The following GALNTL6 variants were observed in gnomAD, a reference collection of about 807,000 sequenced individuals.
GALNTL6 encodes polypeptide N-acetylgalactosaminyltransferase-like 6.
Under a neutral mutation model 73.7 loss-of-function variants are expected in GALNTL6, and 46 were observed. The observed-to-expected ratio is 0.62, with a 90% confidence interval of 0.49 to 0.80. The LOEUF (loss-of-function observed/expected upper bound fraction) is 0.80, where lower values mean the gene tolerates loss of function less well. Among genes scored for constraint, GALNTL6 ranks in the 30% least tolerant of loss-of-function variants. The pLI is 0.00. For synonymous variants in GALNTL6, 259 were observed against 263.7 expected, an observed-to-expected ratio of 0.98 and a Z score of 0.17; for missense variants, 604 against 755.0, an observed-to-expected ratio of 0.80 and a Z score of 2.34.
chr4:172,857,369 A>G (rs575766230), intron 7 of GALNTL6, among the ~76,000 whole-genome samples: 32 of 152,094 alleles, frequency 2.1e-4, no homozygotes, highest in Non-Finnish European at 4.4e-5. Context: ...TTAAAGCCCT[A>G]TGTCTCATCC....
intron 5 of GALNTL6, among the ~76,000 whole-genome samples, chr4:172,627,871 G>A (rs190610703): frequency 6.6e-6 from 1 of 151,652 alleles, no homozygotes; most frequent in East Asian, 1.9e-4. Flanking sequence ...ATTCCTGATT[G>A]TGCTTATTTG....
At chr4:172,887,570 T>TTATG (rs1183818217) in intron 8 of GALNTL6, among the ~76,000 whole-genome samples, 1 of 148,788 alleles carries the variant, frequency 6.7e-6, no homozygotes, top group Non-Finnish European at 1.5e-5. Flanking sequence ...ATTTATTTAT[T>TTATG]TATTTATTTT....
At chr4:172,556,501 T>C (rs1348229090) in intron 5 of GALNTL6, among the ~76,000 whole-genome samples, 1 of 152,088 alleles carries the variant, frequency 6.6e-6, no homozygotes, top group African/African-American at 2.4e-5. Context: ...TTTTTAAGTA[T>C]AATATGTTCC....
intron 5 of GALNTL6, chr4:172,668,406 A>G (rs1315382084): frequency 1.3e-5 from 2 of 152,212 alleles, no homozygotes; most frequent in Non-Finnish European, 2.9e-5. Flanking sequence ...GAGAAGCCAC[A>G]TAATTTGAGA....
chr4:172,288,342 C>T lies in GALNTL6; in HGVS notation c.248-23272C>T, dbSNP rs547888515. ...TCCTGACCTCGTGATCCGCCTGCCT[C>T]GGCCTCCCAAAGTGCTGGGATTACA... is the stretch of plus-strand genomic sequence containing the variant. On this transcript the variant is annotated intron_variant, in intron 3 of 12. Coordinates refer to ENST00000506823, the MANE Select transcript of GALNTL6 (RefSeq NM_001034845.3). Among the ~76,000 whole-genome samples the T allele has an allele frequency of 3.6e-3, 541 of 152,116 alleles. 2 individuals carry two copies. Among genetic ancestry groups the T allele is most frequent in the African/African-American group, 0.012 (501 of 41,464 alleles).
intron 5 of GALNTL6, among the ~76,000 whole-genome samples, chr4:172,412,832 C>T (rs981016193): frequency 6.6e-6 from 1 of 152,058 alleles, no homozygotes; most frequent in Admixed American, 6.6e-5. Context: ...TGTTTTTGCT[C>T]ATATAACAAA....
intron 2 of GALNTL6, among the ~76,000 whole-genome samples, chr4:171,886,271 C>T (rs1269502962): frequency 6.6e-6 from 1 of 152,120 alleles, no homozygotes; most frequent in Non-Finnish European, 1.5e-5. Context: ...ATAAATTATA[C>T]TGTTACCTGT....
chr4:172,196,626 A>G (rs751964557), intron 2 of GALNTL6, among the ~76,000 whole-genome samples: 96 of 152,200 alleles, frequency 6.3e-4, no homozygotes, highest in Non-Finnish European at 1.2e-3. Context: ...TCCTCAATGC[A>G]AGGCTGGTTC....
At chr4:172,148,426 A>C (rs1028435726) in intron 2 of GALNTL6, among the ~76,000 whole-genome samples, 2 of 151,712 alleles carry the variant, frequency 1.3e-5, no homozygotes, top group African/African-American at 4.9e-5. Flanking sequence ...GCAACCAAAA[A>C]CGTATTGTTA....
intron 5 of GALNTL6, among the ~76,000 whole-genome samples, chr4:172,777,988 T>C (rs143805898): frequency 2.3e-3 from 343 of 152,378 alleles, no homozygotes; most frequent in Non-Finnish European, 3.1e-3. Context: ...CTTTCCATTG[T>C]CTTGTTATTT....
chr4:172,500,219 G>A (rs1357470092), intron 5 of GALNTL6, among the ~76,000 whole-genome samples: 1 of 152,098 alleles, frequency 6.6e-6, no homozygotes, highest in Middle Eastern at 3.2e-3. Context: ...TCAGGAGTGC[G>A]AGACCAGCCT....
chr4:172,017,492 G>T lies in GALNTL6; in HGVS notation c.138+202774G>T, dbSNP rs531620854. On this transcript the variant is annotated intron_variant, in intron 2 of 12. Transcript: ENST00000506823. ...CGTTCTTCTGGGAGAAGCCCCAATT[G>T]TGTCTGCAGTACAGTGCCAGGGGAG... 1.8e-4 allele frequency among the ~76,000 whole-genome samples: 27 copies of T among 152,146 alleles called. No homozygotes were observed. The South Asian group carries it at 5.2e-3, about 29-fold the overall frequency.
intron 3 of GALNTL6, among the ~76,000 whole-genome samples, chr4:172,296,316 C>T (rs1739671057): frequency 6.6e-6 from 1 of 152,048 alleles, no homozygotes; most frequent in Non-Finnish European, 1.5e-5. Context: ...GAATAAATCT[C>T]TATTGGTCAT....
rs755758474 is a variant in GALNTL6 at position 172,052,503 on chromosome 4, A to C, written c.139-177153A>C. ...CAGAGGAATCCAAGCATTAGTGCAGACCACGGAGTGCATGAGCTGGTTTAC... is the reference window on the plus strand; with the variant it reads ...CAGAGGAATCCAAGCATTAGTGCAGCCCACGGAGTGCATGAGCTGGTTTAC... On this transcript the variant is annotated intron_variant, in intron 2 of 12. Coordinates refer to ENST00000506823, the MANE Select transcript of GALNTL6 (RefSeq NM_001034845.3). 2.6e-6 allele frequency: 4 copies of C among 1,535,156 alleles called. No individual in the cohort carries two copies. The African/African-American group carries it at 5.5e-5, about 21-fold the overall frequency.
At chr4:171,974,263 C>T (rs2111069241) in intron 2 of GALNTL6, among the ~76,000 whole-genome samples, 1 of 152,158 alleles carries the variant, frequency 6.6e-6, no homozygotes, top group Non-Finnish European at 1.5e-5. Flanking sequence ...TACAATTTCT[C>T]AGTAGGCTTA....
At chr4:172,514,970 A>C (rs1015628647) in intron 5 of GALNTL6, among the ~76,000 whole-genome samples, 1 of 152,208 alleles carries the variant, frequency 6.6e-6, no homozygotes, top group Non-Finnish European at 1.5e-5. Flanking sequence ...CAGAATTTGC[A>C]GTGGCAAACC....
At chr4:172,757,528 G>T (rs902845635) in intron 5 of GALNTL6, among the ~76,000 whole-genome samples, 3 of 152,120 alleles carry the variant, frequency 2.0e-5, no homozygotes, top group Non-Finnish European at 4.4e-5. Context: ...ATGCAATAAG[G>T]AAACATTAAA....
In GALNTL6 at chr4:172,131,406, A is replaced by AATATAT. The variant is rs772791571; in HGVS notation, c.139-98232_139-98227dup. On this transcript the variant is annotated intron_variant, in intron 2 of 12. Transcript: ENST00000506823. ...CTTCCATGTTTCACCATGCCTTTAAAATATATATATATATATATATATACA... is the reference window on the plus strand; with the variant it reads ...CTTCCATGTTTCACCATGCCTTTAAAATATATATATATATATATATATATATATACA... 7.5e-3 allele frequency among the ~76,000 whole-genome samples: 1,025 copies of AATATAT among 137,572 alleles called. 14 individuals are homozygous for AATATAT. Among genetic ancestry groups the AATATAT allele is most frequent in the African/African-American group, 0.027 (948 of 35,772 alleles). The allele number at this position is 137,572 out of a possible 152,430, so 90.3% of individuals were successfully genotyped here.
At chr4:172,287,947 A>C (rs1739321319) in intron 3 of GALNTL6, among the ~76,000 whole-genome samples, 1 of 151,998 alleles carries the variant, frequency 6.6e-6, no homozygotes, top group African/African-American at 2.4e-5. Context: ...GCAGGGTAGA[A>C]CTCCCTGGTA....
Sources: allele counts gnomAD v4.1 joint callset (sites outside exome capture counted in the v4.1 genomes callset), GRCh38; gene constraint gnomAD v4.1.1; transcripts MANE v1.5; gene names NCBI Gene and HGNC (gene_info 2026-07-23, HGNC 2026-07-21).